The following SVEP1 variants were observed in gnomAD, a reference collection of about 807,000 sequenced individuals.
SVEP1 encodes the protein sushi, von Willebrand factor type A, EGF and pentraxin domain containing 1.
Under a neutral mutation model 367.3 loss-of-function variants are expected in SVEP1, and 164 were observed. The observed-to-expected ratio is 0.45, with a 90% CI of 0.39 to 0.51. SVEP1 has a LOEUF of 0.51. Among genes scored for constraint, SVEP1 ranks in the 20% least tolerant of loss-of-function variants. The probability of loss-of-function intolerance (pLI) is 0.00; values close to 1 mark genes in which losing one functional copy is unlikely to be tolerated. For synonymous variants in SVEP1, 1,666 were observed against 1,611.6 expected, an observed-to-expected ratio of 1.03 and a Z score of -0.81; for missense variants, 4,117 against 4,425.3, an observed-to-expected ratio of 0.93 and a Z score of 1.98.
intron 3 of SVEP1, among the ~76,000 whole-genome samples, chr9:110,523,879 A>G (rs1251759698): frequency 6.6e-6 from 1 of 151,836 alleles, no homozygotes; most frequent in East Asian, 1.9e-4. Context: ...TTAAAAACAG[A>G]AAAAAAAGAA....
chr9:110,423,653 G>A (rs1388036038), intron 36 of SVEP1, among the ~76,000 whole-genome samples: 1 of 151,954 alleles, frequency 6.6e-6, no homozygotes, highest in Non-Finnish European at 1.5e-5. Flanking sequence ...GGAAACAACT[G>A]ATAAATATGG....
At chr9:110,546,594 T>C (rs551731455) in intron 2 of SVEP1, among the ~76,000 whole-genome samples, 72 of 152,300 alleles carry the variant, frequency 4.7e-4, no homozygotes, top group African/African-American at 1.7e-3. Flanking sequence ...CAGGAAACAG[T>C]GCAGTCAGTT....
At chr9:110,457,905 A>G (rs1414233493) in intron 20 of SVEP1, among the ~76,000 whole-genome samples, 1 of 152,244 alleles carries the variant, frequency 6.6e-6, no homozygotes, top group African/African-American at 2.4e-5. Context: ...CAAGGAATTC[A>G]TGACATTGGA....
rs914196512 is a variant in SVEP1 at position 110,370,104 on chromosome 9, T to C, written c.10601-88A>G. On this transcript the variant is annotated intron_variant, in intron 46 of 47. Transcript: ENST00000374469. ...AGGCACGTAGGATAAGATTTGACTC[T>C]ACTTCCTGCAGCAGCCACTGCTGGT... is the stretch of plus-strand genomic sequence containing the variant. The C allele has an allele frequency of 4.2e-5, 50 of 1,201,970 alleles. No homozygotes were observed. In the African/African-American group the frequency reaches 7.4e-4, roughly 18 times the overall value. 74.5% of individuals were successfully genotyped at this position (1,201,970 alleles called of 1,614,324 possible).
rs71371665 is a variant in SVEP1, at chr9:110,403,296, GTTTTTTTTT to G, written c.9666+1022_9666+1030del. 6.7e-4 allele frequency among the ~76,000 whole-genome samples: 29 copies of G among 43,460 alleles called. No individual in the cohort carries two copies. The East Asian group carries it at 0.011, about 16-fold the overall frequency. 28.5% of individuals were successfully genotyped at this position (43,460 alleles called of 152,430 possible). A position where few individuals can be genotyped will look rare whatever the true frequency, so the allele number is the denominator to read the frequency against. ...TGATGATTCCTTCCCCGCCACCGCC[GTTTTTTTTT>G]TTTTTTTTTTTTTTTTTTGACACGG... On this transcript the variant is annotated intron_variant, in intron 39 of 47. Coordinates refer to ENST00000374469, the MANE Select transcript of SVEP1 (RefSeq NM_153366.4).
intron 3 of SVEP1, among the ~76,000 whole-genome samples, chr9:110,530,569 C>T (rs989897186): frequency 2.6e-5 from 4 of 152,096 alleles, no homozygotes; most frequent in Non-Finnish European, 5.9e-5. Flanking sequence ...CAGGGTCTTG[C>T]TCTGTTGCTC....
At position 110,476,241 on chromosome 9, in the gene SVEP1, T is replaced by C. The variant is rs1465169320; in HGVS notation, c.2562A>G (p.Leu854=). 2.5e-6 allele frequency: 4 copies of C among 1,613,458 alleles called. No individual in the cohort carries two copies. The highest frequency in any genetic ancestry group is 3.4e-6 in the Non-Finnish European group (4 of 1,179,586). The change falls in exon 14 of 48, where the codon CTA becomes CTG. Residue 854 remains leucine (L), a synonymous_variant. Coordinates refer to ENST00000374469, the MANE Select transcript of SVEP1 (RefSeq NM_153366.4). ...CATTTTCATAGTCATAATTATATTC[T>C]AGGCAATATTTTTTGGTCAGGTTCT... The part of the protein sequence containing the change: ...LEENLTKKYC[L]EYNYDYENGF...
At chr9:110,378,728 A>G (rs1293169076) in intron 44 of SVEP1, among the ~76,000 whole-genome samples, 1 of 129,806 alleles carries the variant, frequency 7.7e-6, no homozygotes, top group Non-Finnish European at 1.5e-5. Flanking sequence ...ACATGGACAC[A>G]GGAAGGGGAA....
intron 40 of SVEP1, among the ~76,000 whole-genome samples, chr9:110,398,670 A>C (rs1006166715): frequency 2.7e-4 from 41 of 152,240 alleles, no homozygotes; most frequent in Admixed American, 3.3e-4. Context: ...ACCCCATCAA[A>C]AAGTGGGAGA....
At position 110,379,455 on chromosome 9, in the gene SVEP1, A is replaced by G; in HGVS notation, c.10300T>C (p.Tyr3434His). 6.2e-7 allele frequency: 1 copy of G among 1,613,808 alleles called. No homozygotes were observed. The highest frequency in any genetic ancestry group is 1.1e-5 in the South Asian group (1 of 91,068). Residue 3434 changes from tyrosine to histidine, a missense_variant, in exon 44 of 48, where the codon TAT (tyrosine) becomes CAT (histidine). By Grantham distance (83) the Tyr-to-His change is moderately conservative. This residue lies in a region of SVEP1 where 1,765 missense variants were observed against 1,781.1 expected (regional missense o/e 0.99). Coordinates refer to ENST00000374469, the MANE Select transcript of SVEP1 (RefSeq NM_153366.4). Reference sequence around the variant, plus strand: ...CATGAGTAGGTGATCATGTCTCCATATTGATAATGTACGCCTCGAGCAATT... The same window carrying G: ...CATGAGTAGGTGATCATGTCTCCATGTTGATAATGTACGCCTCGAGCAATT... ...NAIARGVHYQ[Y>H]GDMITYSCYS...
At chr9:110,433,397 T>A (rs1828384639) in intron 30 of SVEP1, among the ~76,000 whole-genome samples, 1 of 140,688 alleles carries the variant, frequency 7.1e-6, no homozygotes. Flanking sequence ...ACGGTGAATA[T>A]ATCAGGTGGT....
rs888597046 is a variant in SVEP1 at position 110,490,544 on chromosome 9, C to CT, written c.1801-766dup. On this transcript the variant is annotated intron_variant, in intron 8 of 47. Transcript: ENST00000374469. The stretch of plus-strand genomic sequence containing the variant: ...CTACTCTCTATCTTAATGAGATCTA[C>CT]TTTTTTTTAGCTCTCACCTGAGATA... 9.9e-4 allele frequency among the ~76,000 whole-genome samples: 151 copies of CT among 151,946 alleles called. 2 individuals carry two copies. The highest frequency in any genetic ancestry group is 3.4e-3 in the African/African-American group (139 of 41,482).
In SVEP1 at chr9:110,471,540, C is replaced by A; in HGVS notation, c.2822G>T (p.Arg941Leu). ...NDTLEWENQQ[R>L]LLQTLETITN... The stretch of plus-strand genomic sequence containing the variant: ...GATAGTTTCCAATGTCTGAAGGAGT[C>A]GTTGCTGATTTTCCCATTCAAGGGT... Residue 941 changes from arginine to leucine, a missense_variant, in exon 16 of 48, where the codon CGA becomes CTA. This residue lies in a region of SVEP1 where 2,174 missense variants were observed against 2,494.3 expected (regional missense o/e 0.87). Transcript: ENST00000374469. 6.2e-7 allele frequency: 1 copy of A among 1,613,812 alleles called. No individual in the cohort carries two copies. Among genetic ancestry groups the A allele is most frequent in the African/African-American group, 1.3e-5 (1 of 74,996 alleles).
chr9:110,576,908 T>A (rs993661573), intron 1 of SVEP1, among the ~76,000 whole-genome samples: 3 of 151,940 alleles, frequency 2.0e-5, no homozygotes, highest in Non-Finnish European at 4.4e-5. Flanking sequence ...AAATTAGACA[T>A]CTTTGTCACA....
In SVEP1 at chr9:110,430,283, A is replaced by T; in HGVS notation, c.5521T>A (p.Tyr1841Asn). 6.2e-7 allele frequency: 1 copy of T among 1,611,766 alleles called. No individual in the cohort carries two copies. The highest frequency in any genetic ancestry group is 8.5e-7 in the Non-Finnish European group (1 of 1,179,010). Residue 1841 changes from tyrosine (Y) to asparagine (N), a missense_variant, in exon 33 of 48, where the codon TAT becomes AAT. By Grantham distance (143) the Tyr-to-Asn change is moderately radical. This residue lies in a region of SVEP1 where 2,174 missense variants were observed against 2,494.3 expected (regional missense o/e 0.87). Coordinates refer to ENST00000374469, the MANE Select transcript of SVEP1 (RefSeq NM_153366.4). ...AATTTACTAAACATACCTTTACAATATGGTATTAGATGATTCCATTCTCCA... is the reference window on the plus strand; with the variant it reads ...AATTTACTAAACATACCTTTACAATTTGGTATTAGATGATTCCATTCTCCA... ...ESGEWNHLIP[Y>N]CKAVSCGKPA...
rs765020036 is a variant in SVEP1, at chr9:110,427,754, G to A, written c.5812C>T (p.Gln1938Ter). The A allele has an allele frequency of 6.2e-7, 1 of 1,609,830 alleles. No homozygotes were observed. The highest frequency in any genetic ancestry group is 1.1e-5 in the South Asian group (1 of 90,294). Residue 1938 changes from glutamine to a stop codon, truncating the protein, a stop_gained, in exon 36 of 48, where the codon CAG (glutamine) becomes TAG (stop). Coordinates refer to ENST00000374469, the MANE Select transcript of SVEP1 (RefSeq NM_153366.4). LOFTEE classifies it high-confidence loss of function. ...GTGCATTCAATAATGGAAGGGCCCT[G>A]TAAGCTGCGGGAAAGAATGATGTTA... ...SYSCDTGYSL[Q>*]GPSIIECTAS...
intron 1 of SVEP1, among the ~76,000 whole-genome samples, chr9:110,569,929 G>A (rs1201668042): frequency 6.6e-6 from 1 of 152,188 alleles, no homozygotes; most frequent in Non-Finnish European, 1.5e-5. Context: ...CAGAGAAGAT[G>A]AATACTTTAA....
chr9:110,502,860 T>C (rs1829557206), intron 6 of SVEP1, among the ~76,000 whole-genome samples, 178 bp downstream of exon 6: 1 of 150,688 alleles, frequency 6.6e-6, no homozygotes, highest in African/African-American at 2.4e-5. Context: ...CCTTTACTAG[T>C]GGAGAGGAGT....
intron 18 of SVEP1, among the ~76,000 whole-genome samples, chr9:110,461,578 T>A (rs567594557): frequency 6.6e-6 from 1 of 152,066 alleles, no homozygotes; most frequent in Admixed American, 6.5e-5. Context: ...TGTCATAGCA[T>A]CTTTTTTTAA....
Sources: allele counts gnomAD v4.1 joint callset (sites outside exome capture counted in the v4.1 genomes callset), GRCh38; gene constraint gnomAD v4.1.1; regional missense constraint gnomAD v4.1.1; transcripts MANE v1.5; gene names NCBI Gene and HGNC (gene_info 2026-07-23, HGNC 2026-07-21).